ELAC1: variants seen among roughly 807,000 people sequenced by gnomAD.
ELAC1 encodes zinc phosphodiesterase ELAC protein 1.
ELAC1 carries 19 observed loss-of-function variants against 25.8 expected under a neutral mutation model. The observed-to-expected ratio is 0.74, with a 90% CI of 0.51 to 1.08. ELAC1 has a LOEUF of 1.08. Ranked by LOEUF, ELAC1 falls within the 50% of genes least tolerant of loss-of-function variation. The pLI, the probability that ELAC1 is intolerant of heterozygous loss-of-function variation, is 0.00. For missense variants in ELAC1, 403 were observed against 434.6 expected (o/e 0.93, Z 0.65); for synonymous variants, 148 against 160.9 (o/e 0.92, Z 0.61).
At chr18:50,980,014 G>A (rs949560605) in intron 2 of ELAC1, among the ~76,000 whole-genome samples, 4 of 152,152 alleles carry the variant, frequency 2.6e-5, no homozygotes, top group African/African-American at 9.7e-5. Flanking sequence ...TCAGGTGTGA[G>A]CCACTGTGCC....
At chr18:50,968,160 G>C (rs1003336653) in intron 1 of ELAC1, 46 bp downstream of exon 1, 1 of 152,110 alleles carries the variant, frequency 6.6e-6, no homozygotes, top group Non-Finnish European at 1.5e-5. Context: ...GCGCTTCCTC[G>C]GGACTCGCCG....
Position 50,969,188 on chromosome 18 carries a change from T to C in ELAC1, c.-9+1074T>C, listed in dbSNP as rs79458084. 9.1e-3 allele frequency: 1,394 copies of C among 152,386 alleles called. 3 individuals are homozygous for C. The highest frequency in any genetic ancestry group is 0.023 in the South Asian group (113 of 4,834). The allele number at this position is 152,386 out of a possible 1,614,324, so 9.4% of individuals were successfully genotyped here. On this transcript the variant is annotated intron_variant, in intron 1 of 3. Coordinates refer to ENST00000269466, the MANE Select transcript of ELAC1 (RefSeq NM_018696.3). ...TTTGTCCAAATCAGTATCCAAACAA[T>C]CTACACACGTTATATTTGGTTGATG... is the stretch of plus-strand genomic sequence containing the variant.
At chr18:50,984,963 C>T (rs1908060749) in intron 3 of ELAC1, 1 of 226,928 alleles carries the variant, frequency 4.4e-6, no homozygotes, top group South Asian at 1.5e-4. Flanking sequence ...TAAGCTTCCA[C>T]TCCTCTATCC....
chr18:50,970,957 A>G (rs773104899), intron 1 of ELAC1, among the ~76,000 whole-genome samples: 50 of 152,166 alleles, frequency 3.3e-4, no homozygotes, highest in Non-Finnish European at 6.2e-4. Flanking sequence ...AGCCATCTGT[A>G]ACTTTTCTCC....
rs1429385510 is a variant in ELAC1, at chr18:50,987,070, T to A, written c.1077T>A (p.Ile359=). ...CAGAAGATTTTATGGTGATAAGCAT[T>A]CCAATCAAGAAATGAAACCAGTGTT... ...TLAEDFMVIS[I]PIKK The change falls in exon 4 of 4, where the codon ATT becomes ATA. Residue 359 remains isoleucine, a synonymous_variant. Coordinates refer to ENST00000269466, the MANE Select transcript of ELAC1 (RefSeq NM_018696.3). The A allele has an allele frequency of 1.3e-6, 2 of 1,539,560 alleles. No homozygotes were observed. Among genetic ancestry groups the A allele is most frequent in the Non-Finnish European group, 1.8e-6 (2 of 1,142,676 alleles).
intron 3 of ELAC1, chr18:50,984,937 A>T (rs1908059948): frequency 3.7e-6 from 1 of 272,862 alleles, no homozygotes; most frequent in African/African-American, 2.2e-5. Flanking sequence ...GTCTCAAAAA[A>T]AAAAAAGTGT....
At chr18:50,984,755 A>G in intron 3 of ELAC1, 192 bp downstream of exon 3, 1 of 595,986 alleles carries the variant, frequency 1.7e-6, no homozygotes, top group Non-Finnish European at 3.0e-6. Flanking sequence ...AACATGGCGA[A>G]ACCCCATCTC....
chr18:50,971,769 T>A (rs1907659068), intron 1 of ELAC1, among the ~76,000 whole-genome samples: 1 of 151,548 alleles, frequency 6.6e-6, no homozygotes, highest in Non-Finnish European at 1.5e-5. Context: ...AACTTAAATT[T>A]TTTAAATAGA....
chr18:50,985,788 T>C (rs1439848140), intron 3 of ELAC1, among the ~76,000 whole-genome samples: 2 of 152,168 alleles, frequency 1.3e-5, no homozygotes, highest in African/African-American at 2.4e-5. Flanking sequence ...ACTATACTAG[T>C]TTGTAAGTAT....
chr18:50,971,868 A>G (rs1230032323), intron 1 of ELAC1, among the ~76,000 whole-genome samples: 16 of 144,022 alleles, frequency 1.1e-4, no homozygotes, highest in Non-Finnish European at 2.1e-4. Flanking sequence ...ATGTATATAT[A>G]TGTGTATATA....
intron 1 of ELAC1, among the ~76,000 whole-genome samples, chr18:50,972,572 C>T (rs931933390): frequency 2.6e-5 from 4 of 152,144 alleles, no homozygotes; most frequent in Non-Finnish European, 4.4e-5. Context: ...ACTGCCGCCT[C>T]CCAGGTTCAA....
intron 1 of ELAC1, among the ~76,000 whole-genome samples, chr18:50,973,972 A>G (rs1436381976): frequency 1.3e-5 from 2 of 152,254 alleles, no homozygotes; most frequent in Non-Finnish European, 2.9e-5. Flanking sequence ...TGACCAATGT[A>G]TAATGACATA....
In ELAC1 at chr18:50,986,245, C is replaced by T. The variant is rs566381354; in HGVS notation, c.626-374C>T. ...CAGTGCACCCAGCCTGACTATATCACTATTTAAATACACTCTCAAATTTTA... is the reference window on the plus strand; with the variant it reads ...CAGTGCACCCAGCCTGACTATATCATTATTTAAATACACTCTCAAATTTTA... On this transcript the variant is annotated intron_variant, in intron 3 of 3. Transcript: ENST00000269466. Among the ~76,000 whole-genome samples, 8 of 152,166 alleles carry T rather than the reference C, an allele frequency of 5.3e-5. No homozygotes were observed. In the East Asian group the frequency reaches 1.5e-3, roughly 29 times the overall value.
In ELAC1 at chr18:50,987,022, A is replaced by G. The variant is rs144344977; in HGVS notation, c.1029A>G (p.Leu343=). 264 of 1,602,640 alleles carry G rather than the reference A, an allele frequency of 1.6e-4. 2 individuals are homozygous for G. The East Asian group carries it at 5.8e-3, about 35-fold the overall frequency. ...TAAAAAAGCAAGCTGAATCAGTGTT[A>G]GATCTCCAAGAAGTGACTCTAGCAG... ...AELKKQAESV[L]DLQEVTLAED... is the part of the protein sequence containing the mutation. Residue 343 remains leucine (L), a synonymous_variant, in exon 4 of 4, where the codon TTA becomes TTG. Coordinates refer to ENST00000269466, the MANE Select transcript of ELAC1 (RefSeq NM_018696.3).
In ELAC1 at chr18:50,971,576, G is replaced by A. The variant is rs529806406; in HGVS notation, c.-8-2821G>A. On this transcript the variant is annotated intron_variant, in intron 1 of 3. Transcript: ENST00000269466. ...CTGATTTTTGTTTTTTAATTTTTTT[G>A]TAGAGACAGTGTCTCACTATGTTGC... Among the ~76,000 whole-genome samples, 123 of 151,790 alleles carry A rather than the reference G, an allele frequency of 8.1e-4. 3 individuals carry two copies. The South Asian group carries it at 0.018, about 22-fold the overall frequency.
At position 50,986,690 on chromosome 18, in the gene ELAC1, A is replaced by G. The variant is rs200131575; in HGVS notation, c.697A>G (p.Ile233Val). 6 of 1,614,110 alleles carry G rather than the reference A, an allele frequency of 3.7e-6. No homozygotes were observed. In the Admixed American group the frequency reaches 8.3e-5, roughly 22 times the overall value. ...TGTTGTTCTGGAAAATGGGGTTACA[A>G]TTTCTCCCCAAGATGTCTTAAAAAA... The part of the protein sequence containing the change: ...ISVVLENGVT[I>V]SPQDVLKKPI... Residue 233 changes from isoleucine to valine, a missense_variant, in exon 4 of 4, where the codon ATT becomes GTT. Coordinates refer to ENST00000269466, the MANE Select transcript of ELAC1 (RefSeq NM_018696.3).
intron 1 of ELAC1, 50 bp from the exon 2 acceptor site, chr18:50,974,346 GT>G (rs1367717774): frequency 5.5e-6 from 8 of 1,455,130 alleles, no homozygotes; most frequent in East Asian, 2.4e-5. Context: ...ACAGGAATAT[GT>G]TTTTGGTACA....
rs146349641 is a variant in ELAC1 at position 50,981,984 on chromosome 18, T to G, written c.158-2112T>G. ...GCCTCAGCCACCTGAGTAGCTGGGATTACAGGCATGTGCCATCACACCCAG... is the reference window on the plus strand; with the variant it reads ...GCCTCAGCCACCTGAGTAGCTGGGAGTACAGGCATGTGCCATCACACCCAG... On this transcript the variant is annotated intron_variant, in intron 2 of 3. Coordinates refer to ENST00000269466, the MANE Select transcript of ELAC1 (RefSeq NM_018696.3). Among the ~76,000 whole-genome samples, 561 of 152,022 alleles carry G rather than the reference T, an allele frequency of 3.7e-3. 4 individuals carry two copies. Among genetic ancestry groups the G allele is most frequent in the African/African-American group, 0.013 (532 of 41,456 alleles).
chr18:50,981,516 C>T (rs932565904), intron 2 of ELAC1, among the ~76,000 whole-genome samples: 2 of 152,058 alleles, frequency 1.3e-5, no homozygotes, highest in Non-Finnish European at 2.9e-5. Flanking sequence ...TGACATATTC[C>T]CCCATAACTT....
Sources: allele counts gnomAD v4.1 joint callset (sites outside exome capture counted in the v4.1 genomes callset), GRCh38; gene constraint gnomAD v4.1.1; transcripts MANE v1.5; gene names NCBI Gene and HGNC (gene_info 2026-07-23, HGNC 2026-07-21).